CNTNAP3B: variants seen among roughly 807,000 people sequenced by gnomAD.
The protein encoded by CNTNAP3B is contactin-associated protein-like 3B.
Under a neutral mutation model 108.9 loss-of-function variants are expected in CNTNAP3B, and 25 were observed. That is an observed-to-expected ratio of 0.23 (90% CI 0.17 to 0.32). The LOEUF (loss-of-function observed/expected upper bound fraction) is 0.32. Ranked by LOEUF, CNTNAP3B falls within the 10% of genes least tolerant of loss-of-function variation. The probability of loss-of-function intolerance (pLI) is 1.00; values close to 1 mark genes in which losing one functional copy is unlikely to be tolerated. For synonymous variants in CNTNAP3B, 103 were observed against 473.4 expected (o/e 0.22, Z 10.16); for missense variants, 252 against 1,210.4 (o/e 0.21, Z 11.75).
chr9:41,958,391 C>T (rs1276616328), intron 12 of CNTNAP3B, among the ~76,000 whole-genome samples: 2 of 152,288 alleles, frequency 1.3e-5, no homozygotes, highest in African/African-American at 4.8e-5. Context: ...GGCTATCTTC[C>T]CTCCTCAGCT....
At chr9:42,126,960 G>A (rs1828585412) in intron 1 of CNTNAP3B, among the ~76,000 whole-genome samples, 1 of 138,528 alleles carries the variant, frequency 7.2e-6, no homozygotes, top group Admixed American at 7.2e-5. Flanking sequence ...AACCAGCTGT[G>A]AATAACGTGA....
At chr9:42,119,888 G>A (rs1395714691) in intron 1 of CNTNAP3B, among the ~76,000 whole-genome samples, 1 of 140,008 alleles carries the variant, frequency 7.1e-6, no homozygotes, top group Middle Eastern at 3.2e-3. Context: ...GAAAACCTAG[G>A]CAATACCATT....
intron 13 of CNTNAP3B, among the ~76,000 whole-genome samples, chr9:41,950,362 G>T (rs1419607296): frequency 7.4e-6 from 1 of 135,092 alleles, no homozygotes; most frequent in Admixed American, 7.9e-5. Flanking sequence ...TACCATATAT[G>T]ACCCACCTAT....
Position 41,996,275 on chromosome 9 carries a change from T to C in CNTNAP3B, c.1001A>G (p.Glu334Gly). The stretch of plus-strand genomic sequence containing the variant: ...ATCCACTCCATTATAATAAAGATTT[T>C]CTAAACACCCATGAAAGCTTTTACG... The part of the protein sequence containing the change: ...FTRKSFHGCL[E>G]NLYYNGVDVT... The change falls in exon 7 of 24, where the codon GAA becomes GGA. Residue 334 changes from glutamate (E) to glycine (G), a missense_variant. By Grantham distance (98) the Glu-to-Gly change is moderately conservative (BLOSUM62 -2). Coordinates refer to ENST00000377561, the MANE Select transcript of CNTNAP3B (RefSeq NM_001201380.3). The C allele has an allele frequency of 6.5e-7, 1 of 1,536,880 alleles. No individual in the cohort carries two copies. The highest frequency in any genetic ancestry group is 8.8e-7 in the Non-Finnish European group (1 of 1,135,212).
intron 3 of CNTNAP3B, among the ~76,000 whole-genome samples, chr9:42,039,178 C>T (rs1249505626): frequency 6.6e-6 from 1 of 150,832 alleles, no homozygotes. Context: ...TTGAAACAAC[C>T]AGAGAAGCAA....
chr9:41,918,015 T>A (rs1367759778), intron 18 of CNTNAP3B, among the ~76,000 whole-genome samples: 1 of 152,308 alleles, frequency 6.6e-6, no homozygotes, highest in East Asian at 1.9e-4. Context: ...CCTTAGGACA[T>A]TTTCTAAAGA....
chr9:42,104,280 C>T, intron 2 of CNTNAP3B, among the ~76,000 whole-genome samples: 1 of 67,166 alleles, frequency 1.5e-5, no homozygotes, highest in Admixed American at 2.0e-4. Flanking sequence ...TGTGGCAGAA[C>T]AAAAGAATCC....
At chr9:42,044,867 G>A (rs1325622712) in intron 3 of CNTNAP3B, among the ~76,000 whole-genome samples, 1 of 119,068 alleles carries the variant, frequency 8.4e-6, no homozygotes, top group Non-Finnish European at 1.8e-5. Flanking sequence ...AAAATCCTGA[G>A]CAATATAAAA....
intron 4 of CNTNAP3B, among the ~76,000 whole-genome samples, chr9:42,004,836 C>T (rs1287068390): frequency 2.7e-5 from 3 of 111,580 alleles, no homozygotes; most frequent in African/African-American, 6.2e-5. Context: ...ATCCTGCAAT[C>T]GATGAATACA....
intron 13 of CNTNAP3B, among the ~76,000 whole-genome samples, chr9:41,947,635 A>G: frequency 6.6e-6 from 1 of 152,178 alleles, no homozygotes; most frequent in East Asian, 1.9e-4. Flanking sequence ...TAGAAACTAG[A>G]AAACAAAATT....
chr9:41,964,108 A>C (rs1450751934), intron 11 of CNTNAP3B, among the ~76,000 whole-genome samples: 1 of 152,308 alleles, frequency 6.6e-6, no homozygotes, highest in Non-Finnish European at 1.5e-5. Flanking sequence ...GATTGTTAAA[A>C]AATCTTTAAA....
chr9:42,096,686 C>G lies in CNTNAP3B; in HGVS notation c.196+7943G>C, dbSNP rs1188481067. Reference sequence around the variant, plus strand: ...TATTTCCATTTTTAAACCTCATATCCCCCCATCAAAAGCTCCCATTATGAG... The same window carrying G: ...TATTTCCATTTTTAAACCTCATATCGCCCCATCAAAAGCTCCCATTATGAG... On this transcript the variant is annotated intron_variant, in intron 2 of 23. Coordinates refer to ENST00000377561, the MANE Select transcript of CNTNAP3B (RefSeq NM_001201380.3). Among the ~76,000 whole-genome samples, 2 of 110,808 alleles carry G rather than the reference C, an allele frequency of 1.8e-5. 1 individual carries two copies. The highest frequency in any genetic ancestry group is 3.8e-5 in the Non-Finnish European group (2 of 53,328). 72.7% of individuals were successfully genotyped at this position (110,808 alleles called of 152,430 possible). A position where few individuals can be genotyped will look rare whatever the true frequency, so the allele number is the denominator to read the frequency against.
chr9:41,967,582 C>T (rs1243597538), intron 10 of CNTNAP3B, among the ~76,000 whole-genome samples: 1 of 152,298 alleles, frequency 6.6e-6, no homozygotes, highest in African/African-American at 2.4e-5. Context: ...CTGATAGATG[C>T]TTACAGGCCT....
chr9:41,924,931 T>C (rs1279333025), intron 15 of CNTNAP3B, among the ~76,000 whole-genome samples: 15 of 152,300 alleles, frequency 9.8e-5, no homozygotes, highest in African/African-American at 2.9e-4. Context: ...ATACTCATGA[T>C]TGGATTCATG....
Position 42,088,744 on chromosome 9 carries a change from T to TA in CNTNAP3B, c.197-11683dup, listed in dbSNP as rs1827757168. ...TCTAAGAACTATTAAAAGGCACAGA[T>TA]AAAAAATTTAGTAAACAATATCCTC... On this transcript the variant is annotated intron_variant, in intron 2 of 23. Transcript: ENST00000377561. 1.5e-5 allele frequency among the ~76,000 whole-genome samples: 2 copies of TA among 136,668 alleles called. 1 individual carries two copies. The highest frequency in any genetic ancestry group is 4.5e-4 in the East Asian group (2 of 4,442). The allele number at this position is 136,668 out of a possible 152,430, so 89.7% of individuals were successfully genotyped here. A position where few individuals can be genotyped will look rare whatever the true frequency, so the allele number is the denominator to read the frequency against.
intron 14 of CNTNAP3B, among the ~76,000 whole-genome samples, chr9:41,934,122 T>TATATATATATATATACACACACAC (rs1214326050): frequency 2.7e-5 from 2 of 73,456 alleles, no homozygotes; most frequent in Non-Finnish European, 5.2e-5. Context: ...TATATATATA[T>TATATATATATATATACACACACAC]ACACACACAT....
rs573648428 is a variant in CNTNAP3B, at chr9:41,961,766, C to T, written c.1757-874G>A. Reference sequence around the variant, plus strand: ...GCTGAAATTCAAAACAGGAGAGAAACTTTTTTGAAAGATATCCCTATATAA... The same window carrying T: ...GCTGAAATTCAAAACAGGAGAGAAATTTTTTTGAAAGATATCCCTATATAA... On this transcript the variant is annotated intron_variant, in intron 11 of 23. Transcript: ENST00000377561. 4.6e-5 allele frequency among the ~76,000 whole-genome samples: 7 copies of T among 152,402 alleles called. No individual in the cohort carries two copies. In the East Asian group the frequency reaches 1.4e-3, roughly 29 times the overall value.
intron 12 of CNTNAP3B, among the ~76,000 whole-genome samples, chr9:41,959,372 A>G (rs1824987235): frequency 6.6e-6 from 1 of 152,276 alleles, no homozygotes; most frequent in South Asian, 2.1e-4. Context: ...ATCTAAAGAG[A>G]AGGTGACATT....
At chr9:42,001,550 T>C (rs1409783649) in intron 4 of CNTNAP3B, among the ~76,000 whole-genome samples, 2 of 136,814 alleles carry the variant, frequency 1.5e-5, no homozygotes, top group South Asian at 2.3e-4. Context: ...TTGGAAAAAA[T>C]CCTTTGTATG....
Sources: gnomAD v4.1 joint callset for allele counts (sites outside exome capture counted in the v4.1 genomes callset) on GRCh38, gnomAD v4.1.1 for gene constraint, MANE v1.5 for transcripts, NCBI Gene and HGNC (gene_info 2026-07-23, HGNC 2026-07-21) for gene names.